FAM120A: variants seen among roughly 807,000 people sequenced by gnomAD.
The protein encoded by FAM120A is family with sequence similarity 120 member A.
FAM120A carries 15 observed loss-of-function variants against 109.7 expected under a neutral mutation model. The ratio of observed to expected loss-of-function variants is 0.14; its 90% CI spans 0.09 to 0.21. FAM120A has a LOEUF of 0.21. Among genes scored for constraint, FAM120A ranks in the 10% least tolerant of loss-of-function variants. The pLI is 1.00. For synonymous variants in FAM120A, 493 were observed against 572.8 expected, an observed-to-expected ratio of 0.86 and a Z score of 1.99; for missense variants, 899 against 1,439.3, an observed-to-expected ratio of 0.62 and a Z score of 6.07.
chr9:93,453,704 C>A, intron 1 of FAM120A: 1 of 890,550 alleles, frequency 1.1e-6, no homozygotes, highest in Non-Finnish European at 1.3e-6. Flanking sequence ...ACACAGCTGC[C>A]ATTCCTCAGG....
At chr9:93,528,007 A>G (rs1318663045) in intron 8 of FAM120A, among the ~76,000 whole-genome samples, 3 of 152,164 alleles carry the variant, frequency 2.0e-5, no homozygotes, top group Non-Finnish European at 4.4e-5. Flanking sequence ...CGTCTGCCAC[A>G]TGTGATTACC....
At chr9:93,470,507 T>C (rs1454384671) in intron 1 of FAM120A, among the ~76,000 whole-genome samples, 1 of 152,036 alleles carries the variant, frequency 6.6e-6, no homozygotes, top group Non-Finnish European at 1.5e-5. Context: ...GAAAAGGCAA[T>C]TGATATAGAC....
rs1026845717 is a variant in FAM120A, at chr9:93,532,198, A to C, written c.1778A>C (p.Lys593Thr). 1 of 1,614,256 alleles carries C rather than the reference A, an allele frequency of 6.2e-7. No homozygotes were observed. Among genetic ancestry groups the C allele is most frequent in the Non-Finnish European group, 8.5e-7 (1 of 1,180,032 alleles). The part of the protein sequence containing the change: ...IAVSIEDEAN[K>T]DLPPAALLYR... ...GTTTCTATTGAAGATGAAGCCAACA[A>C]GGACCTGCCTCCGGCCGCTCTGCTC... The change falls in exon 10 of 18, where the codon AAG (lysine) becomes ACG (threonine). Residue 593 changes from lysine to threonine, a missense_variant. Transcript: ENST00000277165. This position sits in a 1 kb window ranked among gnomAD's most constrained non-coding sequence, Gnocchi z 4.3.
chr9:93,454,872 A>G (rs1174870070), intron 1 of FAM120A, among the ~76,000 whole-genome samples: 2 of 152,248 alleles, frequency 1.3e-5, no homozygotes, highest in Non-Finnish European at 2.9e-5. Context: ...AATGGCTAAA[A>G]GAGAAAAAAA....
intron 5 of FAM120A, among the ~76,000 whole-genome samples, chr9:93,501,684 A>G (rs539133403): frequency 6.6e-6 from 1 of 152,356 alleles, no homozygotes; most frequent in East Asian, 1.9e-4. Flanking sequence ...TGGGCAGTGT[A>G]GAATTTTAAG....
chr9:93,506,595 T>G lies in FAM120A; in HGVS notation c.1030+7709T>G, dbSNP rs1345119793. On this transcript the variant is annotated intron_variant, in intron 5 of 17. Coordinates refer to ENST00000277165, the MANE Select transcript of FAM120A (RefSeq NM_014612.5). ...TGACTTAGGGCATGATTTTTTTTTT[T>G]CTTCTTTTTTTTTTGTTTTCAAGAT... Among the ~76,000 whole-genome samples, 3 of 150,986 alleles carry G rather than the reference T, an allele frequency of 2.0e-5. No individual in the cohort carries two copies. The East Asian group carries it at 5.8e-4, about 29-fold the overall frequency.
rs1475255999 is a variant in FAM120A, at chr9:93,532,199, G to A, written c.1779G>A (p.Lys593=). The A allele has an allele frequency of 1.9e-6, 3 of 1,614,238 alleles. No homozygotes were observed. Among genetic ancestry groups the A allele is most frequent in the African/African-American group, 1.3e-5 (1 of 75,074 alleles). The change falls in exon 10 of 18, where the codon AAG becomes AAA. Residue 593 remains lysine, a synonymous_variant. Transcript: ENST00000277165. This position sits in a 1 kb window ranked among gnomAD's most constrained non-coding sequence, Gnocchi z 4.3. ...IAVSIEDEAN[K]DLPPAALLYR... ...TTTCTATTGAAGATGAAGCCAACAA[G>A]GACCTGCCTCCGGCCGCTCTGCTCT...
intron 1 of FAM120A, among the ~76,000 whole-genome samples, chr9:93,468,435 C>T (rs1160836232): frequency 6.6e-6 from 1 of 152,172 alleles, no homozygotes; most frequent in Non-Finnish European, 1.5e-5. Flanking sequence ...GTAGTTTGTC[C>T]AAAGTGCTGT....
chr9:93,490,333 A>G (rs1859259124), intron 3 of FAM120A, among the ~76,000 whole-genome samples: 1 of 152,214 alleles, frequency 6.6e-6, no homozygotes, highest in Non-Finnish European at 1.5e-5. Flanking sequence ...AAATCATTTA[A>G]TCATTGTTTT....
chr9:93,519,388 C>G (rs976529052), intron 7 of FAM120A, among the ~76,000 whole-genome samples: 1 of 152,010 alleles, frequency 6.6e-6, no homozygotes, highest in African/African-American at 2.4e-5. Flanking sequence ...ATTACAGTTG[C>G]CTACTACCAT....
intron 5 of FAM120A, among the ~76,000 whole-genome samples, chr9:93,512,957 A>G (rs1860399505): frequency 6.6e-6 from 1 of 152,154 alleles, no homozygotes; most frequent in South Asian, 2.1e-4. Context: ...GCTTTAAAGG[A>G]AAGTTTGTGC....
At chr9:93,492,530 T>TG (rs1859373471) in intron 3 of FAM120A, among the ~76,000 whole-genome samples, 1 of 152,044 alleles carries the variant, frequency 6.6e-6, no homozygotes, top group Non-Finnish European at 1.5e-5. Context: ...GGGTAGCAAA[T>TG]GCACACCAGG....
chr9:93,521,117 T>C (rs1306580474), intron 7 of FAM120A, among the ~76,000 whole-genome samples: 1 of 152,186 alleles, frequency 6.6e-6, no homozygotes, highest in African/African-American at 2.4e-5. Context: ...TGAGAAGACT[T>C]CTTGCCACAT....
At chr9:93,467,248 C>CG (rs1035933256) in intron 1 of FAM120A, among the ~76,000 whole-genome samples, 3 of 20,834 alleles carry the variant, frequency 1.4e-4, no homozygotes, top group East Asian at 5.7e-3. Flanking sequence ...CTGCTGTCAC[C>CG]CCCCCCCCCC....
intron 5 of FAM120A, among the ~76,000 whole-genome samples, chr9:93,501,200 T>A (rs1265997924): frequency 6.6e-6 from 1 of 152,092 alleles, no homozygotes; most frequent in East Asian, 1.9e-4. Flanking sequence ...GTTTAGAAAG[T>A]CCTTAGAGTG....
chr9:93,474,045 CT>C (rs1458883644), intron 2 of FAM120A, among the ~76,000 whole-genome samples: 10 of 151,518 alleles, frequency 6.6e-5, no homozygotes, highest in Admixed American at 6.6e-4. Flanking sequence ...CCAACTGATA[CT>C]TTTCTAGCTT....
At chr9:93,464,631 C>A (rs555431818) in intron 1 of FAM120A, among the ~76,000 whole-genome samples, 38 of 152,318 alleles carry the variant, frequency 2.5e-4, no homozygotes, top group African/African-American at 8.9e-4. Context: ...CTTCCTTGAT[C>A]TTGAAGCCTG....
Position 93,500,076 on chromosome 9 carries a change from G to A in FAM120A, c.1030+1190G>A, listed in dbSNP as rs1480297288. 2.0e-5 allele frequency among the ~76,000 whole-genome samples: 3 copies of A among 152,242 alleles called. No homozygotes were observed. Among genetic ancestry groups the A allele is most frequent in the South Asian group, 2.1e-4 (1 of 4,834 alleles). On this transcript the variant is annotated intron_variant, in intron 5 of 17. Coordinates refer to ENST00000277165, the MANE Select transcript of FAM120A (RefSeq NM_014612.5). This position sits in a 1 kb window ranked among gnomAD's most constrained non-coding sequence, Gnocchi z 4.6. Reference sequence around the variant, plus strand: ...CATGGAGTGGCTGAATCTCCACTGCGAGGTCAGTAAATGGCAGCAGCCTCC... The same window carrying A: ...CATGGAGTGGCTGAATCTCCACTGCAAGGTCAGTAAATGGCAGCAGCCTCC...
chr9:93,493,535 A>G (rs1334220613), intron 3 of FAM120A, among the ~76,000 whole-genome samples: 1 of 152,260 alleles, frequency 6.6e-6, no homozygotes, highest in Admixed American at 6.5e-5. Flanking sequence ...AACTTGAGTG[A>G]GAGCAGTTTC....
Sources: gnomAD v4.1 joint callset for allele counts (sites outside exome capture counted in the v4.1 genomes callset) on GRCh38, gnomAD v4.1.1 for gene constraint, Gnocchi (gnomAD v3.1) non-coding constraint, MANE v1.5 for transcripts, NCBI Gene and HGNC (gene_info 2026-07-23, HGNC 2026-07-21) for gene names.